The following LRRTM3 variants were observed in gnomAD, a reference collection of about 807,000 sequenced individuals.
The protein encoded by LRRTM3 is leucine-rich repeat transmembrane neuronal protein 3.
A neutral mutation model predicts 44.7 loss-of-function variants in LRRTM3; 24 were observed. The ratio of observed to expected loss-of-function variants is 0.54; its 90% CI spans 0.39 to 0.76. The LOEUF (loss-of-function observed/expected upper bound fraction) is 0.76, where lower values mean the gene tolerates loss of function less well. Among genes scored for constraint, LRRTM3 ranks in the 30% least tolerant of loss-of-function variants. The pLI is 0.00. For missense variants in LRRTM3, 587 were observed against 702.2 expected (o/e 0.84, Z 1.85); for synonymous variants, 277 against 278.7 (o/e 0.99, Z 0.06).
intron 2 of LRRTM3, among the ~76,000 whole-genome samples, chr10:67,046,483 A>G (rs1422824176): frequency 6.6e-6 from 1 of 152,198 alleles, no homozygotes; most frequent in African/African-American, 2.4e-5. Flanking sequence ...TTGCCACGAT[A>G]TCTTCCTAGA....
chr10:66,926,467 T>A lies in LRRTM3; in HGVS notation c.-117T>A, dbSNP rs569825305. 1 of 1,200,068 alleles carries A rather than the reference T, an allele frequency of 8.3e-7. No homozygotes were observed. The highest frequency in any genetic ancestry group is 2.1e-5 in the Admixed American group (1 of 47,148). The allele number at this position is 1,200,068 out of a possible 1,614,324, so 74.3% of individuals were successfully genotyped here. A position where few individuals can be genotyped will look rare whatever the true frequency, so the allele number is the denominator to read the frequency against. On this transcript the variant is annotated 5_prime_UTR_variant, in exon 1 of 3. Coordinates refer to ENST00000361320, the MANE Select transcript of LRRTM3 (RefSeq NM_178011.5). ...TCCATCTCCCAAGGGGTCCAATTTT[T>A]CTTCCTGGGTGTCAGCGAGCCCTGA...
intron 2 of LRRTM3, among the ~76,000 whole-genome samples, chr10:67,002,534 A>T (rs1165223397): frequency 6.6e-6 from 1 of 152,172 alleles, no homozygotes; most frequent in African/African-American, 2.4e-5. Context: ...AAAGAAAAAA[A>T]ATTCCTTTGA....
At position 66,967,267 on chromosome 10, in the gene LRRTM3, G is replaced by C. The variant is rs941104508; in HGVS notation, c.1536+38815G>C. 3.3e-5 allele frequency among the ~76,000 whole-genome samples: 5 copies of C among 151,522 alleles called. No homozygotes were observed. In the South Asian group the frequency reaches 1.0e-3, roughly 32 times the overall value. On this transcript the variant is annotated intron_variant, in intron 2 of 2. Coordinates refer to ENST00000361320, the MANE Select transcript of LRRTM3 (RefSeq NM_178011.5). ...ACAATTAAAACATTGTCTTATATAA[G>C]CCCAGGTCATCTGCTAGTGGATAGA...
chr10:67,042,100 A>C (rs1296920220), intron 2 of LRRTM3, among the ~76,000 whole-genome samples: 1 of 152,190 alleles, frequency 6.6e-6, no homozygotes, highest in Non-Finnish European at 1.5e-5. Flanking sequence ...ACTTTTTAAT[A>C]AACAGGAGAA....
At chr10:67,046,603 C>G (rs1053621724) in intron 2 of LRRTM3, among the ~76,000 whole-genome samples, 1 of 151,944 alleles carries the variant, frequency 6.6e-6, no homozygotes, top group African/African-American at 2.4e-5. Context: ...ATGATCTTCA[C>G]CACCGTAATA....
chr10:67,031,206 T>C (rs1853706191), intron 2 of LRRTM3, among the ~76,000 whole-genome samples: 1 of 152,186 alleles, frequency 6.6e-6, no homozygotes, highest in Non-Finnish European at 1.5e-5. Context: ...AATTGATATA[T>C]ATGTCTATAT....
At chr10:66,945,918 T>C (rs1399432571) in intron 2 of LRRTM3, among the ~76,000 whole-genome samples, 1 of 152,166 alleles carries the variant, frequency 6.6e-6, no homozygotes, top group Non-Finnish European at 1.5e-5. Context: ...TCAGATTCTA[T>C]GGTTGTAGTT....
chr10:67,097,819 G>A lies in LRRTM3; in HGVS notation c.*23G>A. On this transcript the variant is annotated 3_prime_UTR_variant, in exon 3 of 3. Coordinates refer to ENST00000361320, the MANE Select transcript of LRRTM3 (RefSeq NM_178011.5). ...TAACTGAGATCATTGGTAGCCAGGG[G>A]TTGCTACCAAACTTTGTAACCTCAA... 7 of 1,605,604 alleles carry A rather than the reference G, an allele frequency of 4.4e-6. No homozygotes were observed. The highest frequency in any genetic ancestry group is 1.1e-5 in the South Asian group (1 of 90,880).
intron 2 of LRRTM3, among the ~76,000 whole-genome samples, chr10:67,087,729 C>T (rs768902738): frequency 4.0e-5 from 6 of 151,898 alleles, no homozygotes; most frequent in East Asian, 1.9e-4. Flanking sequence ...TTACATAATT[C>T]GATTTTAATA....
At chr10:67,027,548 C>A (rs1199230820) in intron 2 of LRRTM3, among the ~76,000 whole-genome samples, 1 of 150,980 alleles carries the variant, frequency 6.6e-6, no homozygotes, top group Non-Finnish European at 1.5e-5. Flanking sequence ...GATTCTCCTG[C>A]CTCAGCCTTC....
chr10:67,093,952 C>T (rs1311696648), intron 2 of LRRTM3, among the ~76,000 whole-genome samples: 2 of 151,880 alleles, frequency 1.3e-5, no homozygotes, highest in Non-Finnish European at 2.9e-5. Context: ...AAGGCAATAC[C>T]GTGATGTCAG....
chr10:67,016,888 C>T (rs553693659), intron 2 of LRRTM3, among the ~76,000 whole-genome samples: 216 of 152,124 alleles, frequency 1.4e-3, no homozygotes, highest in African/African-American at 4.7e-3. Flanking sequence ...TGGAATGATA[C>T]GAATATTTTA....
intron 2 of LRRTM3, among the ~76,000 whole-genome samples, chr10:67,097,095 C>A (rs1036692879): frequency 6.6e-6 from 1 of 151,742 alleles, no homozygotes; most frequent in Non-Finnish European, 1.5e-5. Flanking sequence ...CTATACCAGA[C>A]CTACTGGATG....
At chr10:67,041,303 T>A (rs1313758150) in intron 2 of LRRTM3, among the ~76,000 whole-genome samples, 1 of 152,116 alleles carries the variant, frequency 6.6e-6, no homozygotes, top group Admixed American at 6.5e-5. Context: ...TTATGGAGAG[T>A]TAAGGCTCCC....
chr10:67,044,858 T>C (rs1854629267), intron 2 of LRRTM3, among the ~76,000 whole-genome samples: 1 of 152,220 alleles, frequency 6.6e-6, no homozygotes, highest in Non-Finnish European at 1.5e-5. Flanking sequence ...TGCCACTTTC[T>C]AGCTTTATGA....
At chr10:66,951,197 C>A (rs1848522936) in intron 2 of LRRTM3, among the ~76,000 whole-genome samples, 1 of 151,554 alleles carries the variant, frequency 6.6e-6, no homozygotes, top group Non-Finnish European at 1.5e-5. Flanking sequence ...TTCACTGCAA[C>A]CTCTGCCTCC....
intron 2 of LRRTM3, among the ~76,000 whole-genome samples, chr10:67,019,417 C>G (rs184613427): frequency 1.3e-3 from 200 of 152,224 alleles, no homozygotes; most frequent in African/African-American, 4.6e-3. Flanking sequence ...AGGGTTTCTC[C>G]ACATTGGTCA....
chr10:66,996,645 T>TCTA (rs1414005419), intron 2 of LRRTM3, among the ~76,000 whole-genome samples: 2 of 24,146 alleles, frequency 8.3e-5, no homozygotes, highest in African/African-American at 4.5e-4. Context: ...AGACTCCGTC[T>TCTA]CTACAAAAAA....
At chr10:66,999,610 C>G (rs905799704) in intron 2 of LRRTM3, among the ~76,000 whole-genome samples, 3 of 152,068 alleles carry the variant, frequency 2.0e-5, no homozygotes, top group Admixed American at 6.6e-5. Flanking sequence ...AAATGCCAAC[C>G]TATAAATGGT....
Sources: gnomAD v4.1 joint callset for allele counts (sites outside exome capture counted in the v4.1 genomes callset) on GRCh38, gnomAD v4.1.1 for gene constraint, MANE v1.5 for transcripts, NCBI Gene and HGNC (gene_info 2026-07-23, HGNC 2026-07-21) for gene names.